The following NHSL1 variants were observed in gnomAD, a reference collection of about 807,000 sequenced individuals.
NHSL1 encodes the protein NHS-like protein 1.
Under a neutral mutation model 95.0 loss-of-function variants are expected in NHSL1, and 48 were observed. The observed-to-expected ratio is 0.51, with a 90% CI of 0.40 to 0.64. The LOEUF is 0.64. Ranked by LOEUF, NHSL1 falls within the 30% of genes least tolerant of loss-of-function variation. NHSL1 has a pLI of 0.00. For missense variants in NHSL1, 1,971 were observed against 2,077.7 expected, an observed-to-expected ratio of 0.95 and a Z score of 1.00; for synonymous variants, 783 against 833.9, an observed-to-expected ratio of 0.94 and a Z score of 1.05.
intron 1 of NHSL1, among the ~76,000 whole-genome samples, chr6:138,616,894 T>C (rs1784586176): frequency 6.6e-6 from 1 of 152,214 alleles, no homozygotes; most frequent in African/African-American, 2.4e-5. Context: ...GGTTACTCTG[T>C]CAACCACCCA....
At chr6:138,477,110 C>T (rs1779125817) in intron 2 of NHSL1, among the ~76,000 whole-genome samples, 2 of 152,016 alleles carry the variant, frequency 1.3e-5, no homozygotes, top group South Asian at 4.1e-4. Context: ...CTCTGTAAAA[C>T]TAAAGTCTAA....
At chr6:138,555,704 T>C (rs1057447275) in intron 1 of NHSL1, among the ~76,000 whole-genome samples, 2 of 152,202 alleles carry the variant, frequency 1.3e-5, no homozygotes, top group Admixed American at 6.5e-5. Context: ...GCATATCTGC[T>C]TAGAAAACTT....
intron 3 of NHSL1, among the ~76,000 whole-genome samples, chr6:138,447,662 A>G (rs1307771500): frequency 2.6e-5 from 4 of 152,140 alleles, no homozygotes; most frequent in African/African-American, 9.7e-5. Flanking sequence ...AATCTCAGCT[A>G]CTTGGGAGGC....
At chr6:138,465,054 C>CAAAAA (rs35195031) in intron 3 of NHSL1, among the ~76,000 whole-genome samples, 24 of 100,980 alleles carry the variant, frequency 2.4e-4, no homozygotes, top group Admixed American at 4.7e-4. Flanking sequence ...TGTATGCCTT[C>CAAAAA]AAAAAAAAAA....
rs73573203 is a variant in NHSL1 at position 138,429,572 on chromosome 6, A to C, written c.4085+139T>G. On this transcript the variant is annotated intron_variant, in intron 7 of 7. Transcript: ENST00000343505. ...AGAGGAAATAAAACTGTAGAAACCC[A>C]CTAAAAAATCAACAGTAAAGTTAAG... 0.011 allele frequency: 7,790 copies of C among 734,156 alleles called. 364 individuals are homozygous for C. The African/African-American group carries it at 0.11, about 10-fold the overall frequency. The allele number at this position is 734,156 out of a possible 1,614,324, so 45.5% of individuals were successfully genotyped here. A position where few individuals can be genotyped will look rare whatever the true frequency, so the allele number is the denominator to read the frequency against.
intron 1 of NHSL1, among the ~76,000 whole-genome samples, chr6:138,612,671 A>G (rs772888587): frequency 1.3e-4 from 20 of 152,186 alleles, no homozygotes; most frequent in Admixed American, 6.5e-4. Flanking sequence ...TTCTGTATAC[A>G]CACACACAAA....
At chr6:138,667,197 C>T (rs576186900) in intron 1 of NHSL1, among the ~76,000 whole-genome samples, 3 of 152,246 alleles carry the variant, frequency 2.0e-5, no homozygotes, top group Admixed American at 6.5e-5. Flanking sequence ...TCAGCAAAGG[C>T]AAAGAACTAG....
In NHSL1 at chr6:138,430,868, A is replaced by C. The variant is rs1436505582; in HGVS notation, c.3477T>G (p.Pro1159=). 2 of 1,551,012 alleles carry C rather than the reference A, an allele frequency of 1.3e-6. No homozygotes were observed. Residue 1159 remains proline, a synonymous_variant, in exon 6 of 8, where the codon CCT becomes CCG. Transcript: ENST00000343505. The surrounding 1 kb of genome is among the most constrained non-coding windows in gnomAD (Gnocchi z 4.7). Reference sequence around the variant, plus strand: ...TTGGAGCTCCAGGGCTGCGGCTCACAGGGCCACCACGCTCAGCCGCACTGC... The same window carrying C: ...TTGGAGCTCCAGGGCTGCGGCTCACCGGGCCACCACGCTCAGCCGCACTGC... ...DHGSAAERGG[P]VSRSPGAPSA...
At chr6:138,640,494 C>A (rs185163505) in intron 1 of NHSL1, among the ~76,000 whole-genome samples, 12 of 152,240 alleles carry the variant, frequency 7.9e-5, no homozygotes, top group African/African-American at 2.9e-4. Context: ...CCTCCTCCTC[C>A]TCATCCTCCT....
intron 1 of NHSL1, among the ~76,000 whole-genome samples, chr6:138,604,873 G>A (rs1373110484): frequency 1.3e-5 from 2 of 152,060 alleles, no homozygotes; most frequent in South Asian, 2.1e-4. Flanking sequence ...TGATCCGCCC[G>A]CCTCAGACTC....
intron 1 of NHSL1, among the ~76,000 whole-genome samples, chr6:138,684,561 C>T (rs1785558327): frequency 1.3e-5 from 2 of 152,138 alleles, no homozygotes; most frequent in African/African-American, 2.4e-5. Context: ...AGAAGAATCA[C>T]TTGAACCCGG....
intron 1 of NHSL1, among the ~76,000 whole-genome samples, chr6:138,588,617 T>C (rs1158135863): frequency 1.3e-5 from 2 of 152,236 alleles, no homozygotes; most frequent in East Asian, 3.8e-4. Flanking sequence ...ACCAGAATCA[T>C]CTGTCCGTAG....
intron 1 of NHSL1, among the ~76,000 whole-genome samples, chr6:138,640,232 T>G (rs1228035954): frequency 2.0e-5 from 3 of 152,186 alleles, no homozygotes; most frequent in Non-Finnish European, 4.4e-5. Context: ...AAACTTCCCT[T>G]ACATTACAAA....
chr6:138,635,401 C>T (rs1234390538), intron 1 of NHSL1, among the ~76,000 whole-genome samples: 2 of 152,126 alleles, frequency 1.3e-5, no homozygotes, highest in Admixed American at 1.3e-4. Flanking sequence ...TTAGTGGCTA[C>T]TATGGGCAAT....
At chr6:138,551,918 C>T (rs925510374) in intron 1 of NHSL1, among the ~76,000 whole-genome samples, 2 of 152,166 alleles carry the variant, frequency 1.3e-5, no homozygotes, top group African/African-American at 4.8e-5. Context: ...CCAAGGGCAA[C>T]CTTCATCCTC....
upstream of NHSL1, among the ~76,000 whole-genome samples, chr6:138,573,859 G>A (rs547713484): frequency 6.6e-6 from 1 of 152,192 alleles, no homozygotes; most frequent in Non-Finnish European, 1.5e-5. Context: ...CACTTACCAG[G>A]GATGCTTGCT....
intron 1 of NHSL1, among the ~76,000 whole-genome samples, chr6:138,557,324 C>A (rs529349806): frequency 6.6e-6 from 1 of 152,278 alleles, no homozygotes; most frequent in African/African-American, 2.4e-5. Context: ...GGCCTCCCAC[C>A]AGACAGCACT....
intron 1 of NHSL1, among the ~76,000 whole-genome samples, chr6:138,629,139 C>T (rs558716491): frequency 3.3e-5 from 5 of 152,276 alleles, no homozygotes; most frequent in Non-Finnish European, 7.4e-5. Flanking sequence ...GCCGCCTGTA[C>T]ACATAGGAAT....
At chr6:138,609,394 C>G (rs1784477467) in intron 1 of NHSL1, among the ~76,000 whole-genome samples, 1 of 152,102 alleles carries the variant, frequency 6.6e-6, no homozygotes, top group Non-Finnish European at 1.5e-5. Context: ...CTGCTCAAGC[C>G]CCACCATTAC....
Sources: allele counts gnomAD v4.1 joint callset (sites outside exome capture counted in the v4.1 genomes callset), GRCh38; gene constraint gnomAD v4.1.1; non-coding constraint Gnocchi (gnomAD v3.1); transcripts MANE v1.5; gene names NCBI Gene and HGNC (gene_info 2026-07-23, HGNC 2026-07-21).